Variants in ZNF496 observed in about 807,000 individuals in gnomAD.
The protein encoded by ZNF496 is zinc finger protein 496.
In ZNF496, 11 loss-of-function variants were observed where a neutral mutation model predicts 58.9. The ratio of observed to expected loss-of-function variants is 0.19; its 90% CI spans 0.12 to 0.31. The LOEUF (loss-of-function observed/expected upper bound fraction) is 0.31, where lower values mean the gene tolerates loss of function less well. Ranked by LOEUF, ZNF496 falls within the 10% of genes least tolerant of loss-of-function variation. The pLI is 1.00. For missense variants in ZNF496, 660 were observed against 783.0 expected, an observed-to-expected ratio of 0.84 and a Z score of 1.88; for synonymous variants, 338 against 318.2, an observed-to-expected ratio of 1.06 and a Z score of -0.66.
chr1:247,301,402 C>A, intron 9 of ZNF496, 126 bp from the exon 10 acceptor site: 1 of 1,294,996 alleles, frequency 7.7e-7, no homozygotes, highest in Non-Finnish European at 1.0e-6. Flanking sequence ...CCTCGGTGAC[C>A]GGGGCGGCCT....
intron 6 of ZNF496, among the ~76,000 whole-genome samples, chr1:247,321,117 G>A (rs1417002160): frequency 6.6e-6 from 1 of 151,682 alleles, no homozygotes; most frequent in Admixed American, 6.6e-5. Flanking sequence ...CGGAGGTTGC[G>A]ATGAGCCGAG....
At chr1:247,319,779 C>T (rs866611063) in intron 6 of ZNF496, among the ~76,000 whole-genome samples, 3 of 152,002 alleles carry the variant, frequency 2.0e-5, no homozygotes, top group Middle Eastern at 3.4e-3. Context: ...AAAAATGAGC[C>T]GGGCCTGGTG....
chr1:247,325,768 T>C (rs1163335105), intron 5 of ZNF496, among the ~76,000 whole-genome samples: 1 of 152,134 alleles, frequency 6.6e-6, no homozygotes, highest in Non-Finnish European at 1.5e-5. Flanking sequence ...TAGCTGGAAC[T>C]ATAGGCATGA....
chr1:247,331,637 A>G lies in ZNF496; in HGVS notation c.-359T>C, dbSNP rs2103037085. 6.6e-6 allele frequency: 1 copy of G among 152,144 alleles called. No individual in the cohort carries two copies. Among genetic ancestry groups the G allele is most frequent in the Non-Finnish European group, 1.5e-5 (1 of 68,060 alleles). 9.4% of individuals were successfully genotyped at this position (152,144 alleles called of 1,614,324 possible). On this transcript the variant is annotated 5_prime_UTR_variant, in exon 2 of 10. Coordinates refer to ENST00000682384, the MANE Select transcript of ZNF496 (RefSeq NM_032752.3). ...AAAGCCACGGCTCGGCTCGGGGGCA[A>G]ATGGAGGCGCCTGAAAAACAATGGT...
At position 247,300,280 on chromosome 1, in the gene ZNF496, C is replaced by T; in HGVS notation, c.*239G>A. 2.3e-6 allele frequency: 1 copy of T among 434,174 alleles called. No homozygotes were observed. The highest frequency in any genetic ancestry group is 4.1e-6 in the Non-Finnish European group (1 of 246,208). 26.9% of individuals were successfully genotyped at this position (434,174 alleles called of 1,614,324 possible). On this transcript the variant is annotated 3_prime_UTR_variant, in exon 10 of 10. Coordinates refer to ENST00000682384, the MANE Select transcript of ZNF496 (RefSeq NM_032752.3). This position sits in a 1 kb window ranked among gnomAD's most constrained non-coding sequence, Gnocchi z 5.7. ...CCTGGCATGTCCAACCTGGTGATGG[C>T]ACATCCCCCCCGTTTTTTGGCACAG...
At position 247,300,769 on chromosome 1, in the gene ZNF496, G is replaced by A. The variant is rs931512439; in HGVS notation, c.1514C>T (p.Ala505Val). The A allele has an allele frequency of 2.2e-5, 36 of 1,605,022 alleles. No homozygotes were observed. Among genetic ancestry groups the A allele is most frequent in the Middle Eastern group, 1.7e-4 (1 of 6,038 alleles). ...EKREQAASED[A>V]DKGPKEPLEN... ...CAGCGGCTCTTTGGGACCCTTGTCCGCGTCCTCGGATGCCGCCTGCTCTCT... is the reference window on the plus strand; with the variant it reads ...CAGCGGCTCTTTGGGACCCTTGTCCACGTCCTCGGATGCCGCCTGCTCTCT... Residue 505 changes from alanine to valine, a missense_variant, in exon 10 of 10, where the codon GCG becomes GTG. Ala to Val is a moderately conservative substitution (Grantham distance 64). Coordinates refer to ENST00000682384, the MANE Select transcript of ZNF496 (RefSeq NM_032752.3). The surrounding 1 kb of genome is among the most constrained non-coding windows in gnomAD (Gnocchi z 5.7).
At position 247,309,496 on chromosome 1, in the gene ZNF496, T is replaced by C. The variant is rs2103020444; in HGVS notation, c.892+203A>G. On this transcript the variant is annotated intron_variant, in intron 8 of 9. Coordinates refer to ENST00000682384, the MANE Select transcript of ZNF496 (RefSeq NM_032752.3). The surrounding 1 kb of genome is among the most constrained non-coding windows in gnomAD (Gnocchi z 4.3). The stretch of plus-strand genomic sequence containing the variant: ...CAGTCCTTGGCCAAGGGAGTACAAT[T>C]CCAATGCCTGGCAAAATTAAGATCC... The C allele has an allele frequency of 7.1e-7, 1 of 1,412,538 alleles. No homozygotes were observed. The highest frequency in any genetic ancestry group is 2.6e-5 in the East Asian group (1 of 38,836). The allele number at this position is 1,412,538 out of a possible 1,614,324, so 87.5% of individuals were successfully genotyped here.
At position 247,309,922 on chromosome 1, in the gene ZNF496, G is replaced by T; in HGVS notation, c.785-116C>A. On this transcript the variant is annotated intron_variant, in intron 7 of 9. Coordinates refer to ENST00000682384, the MANE Select transcript of ZNF496 (RefSeq NM_032752.3). The surrounding 1 kb of genome is among the most constrained non-coding windows in gnomAD (Gnocchi z 4.3). Reference sequence around the variant, plus strand: ...GCCCAGCGGGCATGGCACCATCAGGGGCGAGAAGTGAAAAGGCCAGAGCTG... The same window carrying T: ...GCCCAGCGGGCATGGCACCATCAGGTGCGAGAAGTGAAAAGGCCAGAGCTG... The T allele has an allele frequency of 1.5e-6, 2 of 1,374,474 alleles. No homozygotes were observed. The highest frequency in any genetic ancestry group is 2.0e-6 in the Non-Finnish European group (2 of 1,017,470). 85.1% of individuals were successfully genotyped at this position (1,374,474 alleles called of 1,614,324 possible).
Position 247,308,114 on chromosome 1 carries a change from G to T in ZNF496, c.1006+361C>A. Reference sequence around the variant, plus strand: ...ACACCCTCCCCGGCCCCTGGGAAAGGCAAGGAGGGTGAGCCTGGGATTGGG... The same window carrying T: ...ACACCCTCCCCGGCCCCTGGGAAAGTCAAGGAGGGTGAGCCTGGGATTGGG... On this transcript the variant is annotated intron_variant, in intron 9 of 9. Coordinates refer to ENST00000682384, the MANE Select transcript of ZNF496 (RefSeq NM_032752.3). The surrounding 1 kb of genome is among the most constrained non-coding windows in gnomAD (Gnocchi z 4.5). The T allele has an allele frequency of 1.3e-6, 1 of 745,778 alleles. No homozygotes were observed. The highest frequency in any genetic ancestry group is 1.6e-6 in the Non-Finnish European group (1 of 610,932). The allele number at this position is 745,778 out of a possible 1,614,324, so 46.2% of individuals were successfully genotyped here.
chr1:247,302,920 G>C (rs1055264307), intron 9 of ZNF496, among the ~76,000 whole-genome samples: 3 of 152,176 alleles, frequency 2.0e-5, no homozygotes, highest in African/African-American at 7.2e-5. Context: ...GACTTGGGTG[G>C]AAGAAGAAAA....
intron 4 of ZNF496, 28 bp from the exon 5 acceptor site, chr1:247,328,894 G>A (rs372849492): frequency 1.0e-4 from 156 of 1,559,964 alleles, no homozygotes; most frequent in Non-Finnish European, 1.3e-4. Context: ...GCTTTTCAGG[G>A]CTAGGGGAAG....
intron 6 of ZNF496, among the ~76,000 whole-genome samples, chr1:247,320,660 ATC>A (rs1659934887): frequency 1.3e-5 from 2 of 152,206 alleles, no homozygotes; most frequent in South Asian, 2.1e-4. Flanking sequence ...AGTTCACAGG[ATC>A]TCTCTGTGTT....
At chr1:247,317,434 C>A (rs1420094066) in intron 6 of ZNF496, among the ~76,000 whole-genome samples, 1 of 152,174 alleles carries the variant, frequency 6.6e-6, no homozygotes, top group Non-Finnish European at 1.5e-5. Flanking sequence ...CTTACCAACA[C>A]CAGCAGAGAA....
intron 6 of ZNF496, chr1:247,311,754 C>T (rs1307641737): frequency 5.3e-5 from 1 of 18,970 alleles, no homozygotes; most frequent in Non-Finnish European, 2.1e-4. Flanking sequence ...ATGGCAGCCC[C>T]TGGTGAGGGC....
Position 247,329,611 on chromosome 1 carries a change from C to T in ZNF496, c.-33G>A, listed in dbSNP as rs763820770. The T allele has an allele frequency of 9.9e-6, 15 of 1,520,694 alleles. No homozygotes were observed. The highest frequency in any genetic ancestry group is 2.3e-5 in the East Asian group (1 of 44,090). 94.2% of individuals were successfully genotyped at this position (1,520,694 alleles called of 1,614,324 possible). On this transcript the variant is annotated 5_prime_UTR_variant, in exon 4 of 10. Transcript: ENST00000682384. The surrounding 1 kb of genome is among the most constrained non-coding windows in gnomAD (Gnocchi z 5.5). ...TTTGATGGGGGTCAGCAGCAGAAGACGACCCTATTTCCAAACAGAAATCAC... is the reference window on the plus strand; with the variant it reads ...TTTGATGGGGGTCAGCAGCAGAAGATGACCCTATTTCCAAACAGAAATCAC...
rs142728043 is a variant in ZNF496, at chr1:247,306,037, A to G, written c.1006+2438T>C. On this transcript the variant is annotated intron_variant, in intron 9 of 9. Coordinates refer to ENST00000682384, the MANE Select transcript of ZNF496 (RefSeq NM_032752.3). ...GCAAGGGATTCAGACCCAAAACTAC[A>G]ACGACACGTGGGTTCAGGTAAGAAT... 2.7e-3 allele frequency among the ~76,000 whole-genome samples: 416 copies of G among 152,338 alleles called. 4 individuals are homozygous for G. Among genetic ancestry groups the G allele is most frequent in the African/African-American group, 9.4e-3 (392 of 41,578 alleles).
At chr1:247,326,127 CATATATATATAT>C (rs769921242) in intron 5 of ZNF496, among the ~76,000 whole-genome samples, 1 of 147,250 alleles carries the variant, frequency 6.8e-6, no homozygotes, top group African/African-American at 2.5e-5. Context: ...TATATACATA[CATATATATATAT>C]ACACACATAT....
At chr1:247,307,951 G>A (rs1034214144) in intron 9 of ZNF496, 27 of 985,298 alleles carry the variant, frequency 2.7e-5, no homozygotes, top group Non-Finnish European at 3.1e-5. Context: ...CAAGAGTCCT[G>A]TGCAGCTTCA....
Position 247,308,671 on chromosome 1 carries a change from G to A in ZNF496, c.893-83C>T. ...GAGGGTGCTATCCGAATAGATGCCA[G>A]GCTACGATCTGGGGGCGGCCCTGGG... is the stretch of plus-strand genomic sequence containing the variant. On this transcript the variant is annotated intron_variant, in intron 8 of 9. Transcript: ENST00000682384. This position sits in a 1 kb window ranked among gnomAD's most constrained non-coding sequence, Gnocchi z 4.5. The A allele has an allele frequency of 7.4e-7, 1 of 1,343,480 alleles. No homozygotes were observed. Among genetic ancestry groups the A allele is most frequent in the Non-Finnish European group, 1.1e-6 (1 of 945,940 alleles). 83.2% of individuals were successfully genotyped at this position (1,343,480 alleles called of 1,614,324 possible).
Sources: allele counts gnomAD v4.1 joint callset (sites outside exome capture counted in the v4.1 genomes callset), GRCh38; gene constraint gnomAD v4.1.1; non-coding constraint Gnocchi (gnomAD v3.1); transcripts MANE v1.5; gene names NCBI Gene and HGNC (gene_info 2026-07-23, HGNC 2026-07-21).